Variants in RELB observed in about 807,000 individuals in gnomAD.
RELB encodes the protein transcription factor RelB.
Under a neutral mutation model 55.4 loss-of-function variants are expected in RELB, and 14 were observed. The observed-to-expected ratio is 0.25, with a 90% CI of 0.17 to 0.40. The LOEUF (loss-of-function observed/expected upper bound fraction) is 0.40. Among genes scored for constraint, RELB ranks in the 10% least tolerant of loss-of-function variants. RELB has a pLI of 1.00. For missense variants in RELB, 669 were observed against 830.7 expected, an observed-to-expected ratio of 0.81 and a Z score of 2.39; for synonymous variants, 409 against 371.3, an observed-to-expected ratio of 1.10 and a Z score of -1.17.
In RELB at chr19:45,012,238, A is replaced by G. The variant is rs1401419846; in HGVS notation, c.466A>G (p.Ser156Gly). The G allele has an allele frequency of 2.1e-6, 3 of 1,462,528 alleles. No individual in the cohort carries two copies. Among genetic ancestry groups the G allele is most frequent in the Non-Finnish European group, 1.8e-6 (2 of 1,121,062 alleles). 90.6% of individuals were successfully genotyped at this position (1,462,528 alleles called of 1,614,324 possible). ...GRSAGSILGE[S>G]STEASKTLPA... ...CTCGGCCGGCAGCATCCTTGGGGAG[A>G]GCAGCACCGAGGCCAGCAAGACGCT... Residue 156 changes from serine (S) to glycine (G), a missense_variant, in exon 4 of 12, where the codon AGC (serine) becomes GGC (glycine). By Grantham distance (56) the Ser-to-Gly change is moderately conservative (BLOSUM62 0). This residue lies in a region of RELB where 323 missense variants were observed against 368.5 expected (regional missense o/e 0.88). Transcript: ENST00000221452.
At chr19:45,037,173 C>T (rs1428956348) in intron 11 of RELB, among the ~76,000 whole-genome samples, 3 of 151,488 alleles carry the variant, frequency 2.0e-5, no homozygotes, top group African/African-American at 7.3e-5. Context: ...TCCAGCTACT[C>T]AGGAGACTGA....
At chr19:45,035,051 A>G (rs746766047) in intron 11 of RELB, among the ~76,000 whole-genome samples, 7 of 151,718 alleles carry the variant, frequency 4.6e-5, no homozygotes, top group South Asian at 2.1e-4. Context: ...CACATTGGCC[A>G]GGCTGGTCCT....
chr19:45,016,788 C>T (rs1055871782), intron 4 of RELB, among the ~76,000 whole-genome samples: 1 of 152,042 alleles, frequency 6.6e-6, no homozygotes, highest in Non-Finnish European at 1.5e-5. Flanking sequence ...GTCTGGGAGG[C>T]GGAGGTTGCA....
At chr19:45,028,087 G>A (rs1012722725) in intron 7 of RELB, among the ~76,000 whole-genome samples, 1 of 151,886 alleles carries the variant, frequency 6.6e-6, no homozygotes, top group Non-Finnish European at 1.5e-5. Flanking sequence ...GTCTCACCAT[G>A]TTACCCAGGC....
chr19:45,011,674 T>C (rs1971352920), intron 3 of RELB, among the ~76,000 whole-genome samples: 1 of 151,214 alleles, frequency 6.6e-6, no homozygotes, highest in Non-Finnish European at 1.5e-5. Context: ...CTCGAACTCC[T>C]GACCTCAATT....
chr19:45,028,535 T>C (rs897681008), intron 7 of RELB, among the ~76,000 whole-genome samples: 2 of 152,018 alleles, frequency 1.3e-5, no homozygotes, highest in Non-Finnish European at 2.9e-5. Context: ...GGTTTCACCA[T>C]GTTGGCCAGG....
intron 4 of RELB, among the ~76,000 whole-genome samples, chr19:45,018,827 C>T (rs948854799): frequency 3.3e-5 from 5 of 151,664 alleles, no homozygotes; most frequent in African/African-American, 1.2e-4. Flanking sequence ...CAGACATGTG[C>T]CACCACGCCC....
At chr19:45,011,224 G>A (rs746739356) in intron 3 of RELB, among the ~76,000 whole-genome samples, 5 of 151,004 alleles carry the variant, frequency 3.3e-5, no homozygotes, top group Non-Finnish European at 1.5e-5. Context: ...GTGCAGTGAC[G>A]CAATCTCGGC....
chr19:45,012,211 C>A lies in RELB; in HGVS notation c.439C>A (p.Arg147Ser). ...GMRFRYECEG[R>S]SAGSILGESS... ...GCGCTTCCGCTACGAGTGCGAGGGC[C>A]GCTCGGCCGGCAGCATCCTTGGGGA... The change falls in exon 4 of 12, where the codon CGC becomes AGC. Residue 147 changes from arginine (R) to serine (S), a missense_variant. Coordinates refer to ENST00000221452, the MANE Select transcript of RELB (RefSeq NM_006509.4). 6.7e-7 allele frequency: 1 copy of A among 1,501,698 alleles called. No homozygotes were observed. Among genetic ancestry groups the A allele is most frequent in the Non-Finnish European group, 8.8e-7 (1 of 1,139,472 alleles). 93.0% of individuals were successfully genotyped at this position (1,501,698 alleles called of 1,614,324 possible).
chr19:45,029,660 C>A, intron 8 of RELB, among the ~76,000 whole-genome samples: 1 of 151,896 alleles, frequency 6.6e-6, no homozygotes, highest in Admixed American at 6.6e-5. Context: ...CACCAGCCTC[C>A]CAACATGGTG....
At chr19:45,031,097 G>A (rs758168382) in intron 8 of RELB, among the ~76,000 whole-genome samples, 26 of 152,150 alleles carry the variant, frequency 1.7e-4, no homozygotes, top group Admixed American at 3.9e-4. Flanking sequence ...GATGACGGGC[G>A]ATGCAGTAAG....
intron 2 of RELB, 129 bp from the exon 3 acceptor site, chr19:45,009,685 T>G (rs1363154154): frequency 8.6e-6 from 9 of 1,043,744 alleles, no homozygotes; most frequent in Non-Finnish European, 1.3e-5. Context: ...GAGCCCAGGG[T>G]TTCCCAGGAC....
At chr19:45,003,024 A>C (rs1971233807) in intron 2 of RELB, 28 bp downstream of exon 2, 1 of 1,606,322 alleles carries the variant, frequency 6.2e-7, no homozygotes, top group Non-Finnish European at 8.5e-7. Context: ...GTTCCTGCCC[A>C]CTCGCTCATG....
At chr19:45,003,100 C>A in intron 2 of RELB, 104 bp downstream of exon 2, 1 of 1,130,804 alleles carries the variant, frequency 8.8e-7, no homozygotes, top group Non-Finnish European at 1.3e-6. Context: ...TCCACCTCAG[C>A]TTTCTCCTGA....
intron 2 of RELB, among the ~76,000 whole-genome samples, chr19:45,007,970 CAT>C (rs1971302889): frequency 8.9e-6 from 1 of 111,994 alleles, no homozygotes; most frequent in Non-Finnish European, 1.7e-5. Context: ...GCCTGACTAA[CAT>C]AGTAAAACCC....
intron 1 of RELB, 38 bp downstream of exon 1, chr19:45,001,723 G>A: frequency 7.4e-7 from 1 of 1,358,388 alleles, no homozygotes; most frequent in East Asian, 2.6e-5. Context: ...GGTCTGGGGC[G>A]GGGCTGGAGA....
chr19:45,024,414 G>A (rs569130028), intron 5 of RELB, among the ~76,000 whole-genome samples: 2 of 152,112 alleles, frequency 1.3e-5, no homozygotes, highest in Non-Finnish European at 1.5e-5. Flanking sequence ...TGCCCGTATC[G>A]GCCTCCCAAA....
At chr19:45,011,793 TGTGTGAGAGAGAGAGAGA>T (rs1457016976) in intron 3 of RELB, 125 bp from the exon 4 acceptor site, 32 of 228,048 alleles carry the variant, frequency 1.4e-4, no homozygotes, top group African/African-American at 1.1e-3. Context: ...TGTGTGTGTG[TGTGTGAGAGAGAGAGAGA>T]GAGAGAGAGA....
intron 8 of RELB, among the ~76,000 whole-genome samples, chr19:45,031,237 G>A (rs930180985): frequency 2.0e-5 from 3 of 151,462 alleles, no homozygotes; most frequent in Non-Finnish European, 2.9e-5. Context: ...CCAGGCTCTC[G>A]CTCTGTCTCT....
Sources: gnomAD v4.1 joint callset for allele counts (sites outside exome capture counted in the v4.1 genomes callset) on GRCh38, gnomAD v4.1.1 for gene constraint, gnomAD v4.1.1 regional missense constraint, MANE v1.5 for transcripts, NCBI Gene and HGNC (gene_info 2026-07-23, HGNC 2026-07-21) for gene names.